Variants in PLEC observed in about 807,000 individuals in gnomAD.
The protein encoded by PLEC is hemidesmosomal protein 1.
PLEC carries 216 observed loss-of-function variants against 392.8 expected under a neutral mutation model. The observed-to-expected ratio is 0.55, with a 90% CI of 0.49 to 0.62. PLEC has a LOEUF of 0.62. Among genes scored for constraint, PLEC ranks in the 20% least tolerant of loss-of-function variants. The probability of loss-of-function intolerance (pLI) is 0.00; values close to 1 mark genes in which losing one functional copy is unlikely to be tolerated. For synonymous variants in PLEC, 3,621 were observed against 2,980.6 expected (o/e 1.21, Z -7.00); for missense variants, 6,863 against 6,563.4 (o/e 1.05, Z -1.58).
chr8:143,944,100 C>T (rs935106310), upstream of PLEC: 31 of 648,880 alleles, frequency 4.8e-5, no homozygotes, highest in South Asian at 1.6e-4. Flanking sequence ...GTCCGGCCCT[C>T]GGCGCCTCCC....
Position 143,918,013 on chromosome 8 carries a change from A to G in PLEC, c.11808T>C (p.Ala3936=). ...CCTTGGTGGCGTCCACGAAGACACCAGCGATGCAGCTGGTGCCTTCCAGGA... is the reference window on the plus strand; with the variant it reads ...CCTTGGTGGCGTCCACGAAGACACCGGCGATGCAGCTGGTGCCTTCCAGGA... ...QKFLEGTSCI[A]GVFVDATKER... The change falls in exon 32 of 32, where the codon GCT becomes GCC. Residue 3936 remains alanine (A), a synonymous_variant. Transcript: ENST00000345136. The G allele has an allele frequency of 6.2e-7, 1 of 1,611,636 alleles. No individual in the cohort carries two copies. The highest frequency in any genetic ancestry group is 8.5e-7 in the Non-Finnish European group (1 of 1,179,708).
chr8:143,972,248 G>T (rs1833465500), intron 1 of PLEC, among the ~76,000 whole-genome samples: 1 of 152,330 alleles, frequency 6.6e-6, no homozygotes, highest in South Asian at 2.1e-4. Flanking sequence ...CTCCCTCTAA[G>T]GCAGGGCCGG....
chr8:143,958,267 G>C (rs1587390903), upstream of PLEC, among the ~76,000 whole-genome samples: 1 of 152,104 alleles, frequency 6.6e-6, no homozygotes, highest in South Asian at 2.1e-4. The surrounding 1 kb of genome is among the most constrained non-coding windows in gnomAD (Gnocchi z 4.9). Context: ...TTCTGGGGTG[G>C]AGGGCCACCA....
Position 143,923,522 on chromosome 8 carries a change from T to C in PLEC, c.6407A>G (p.Glu2136Gly). ...TTGCTCGGCCTCCTTGCGCAGCTTC[T>C]CTGCAGCCGCCTGTGCCTGAGCCCG... ...QARAQAQAAA[E>G]KLRKEAEQEA... Residue 2136 changes from glutamate to glycine, a missense_variant, in exon 31 of 32, where the codon GAG (glutamate) becomes GGG (glycine). Transcript: ENST00000345136. The C allele has an allele frequency of 3.8e-6, 6 of 1,595,240 alleles. No homozygotes were observed. The highest frequency in any genetic ancestry group is 5.1e-6 in the Non-Finnish European group (6 of 1,174,468).
At position 143,917,493 on chromosome 8, in the gene PLEC, T is replaced by C. The variant is rs782757230; in HGVS notation, c.12328A>G (p.Thr4110Ala). 8 of 1,613,718 alleles carry C rather than the reference T, an allele frequency of 5.0e-6. No homozygotes were observed. The East Asian group carries it at 8.9e-5, about 18-fold the overall frequency. ...AGACACAGGCCCGTCTGGGGGTCAGTGATACAACGCTCCATCAGCTGCAGG... is the reference window on the plus strand; with the variant it reads ...AGACACAGGCCCGTCTGGGGGTCAGCGATACAACGCTCCATCAGCTGCAGG... ...TYLQLMERCITDPQTGLCLLP... is the reference protein window; with the variant it reads ...TYLQLMERCIADPQTGLCLLP... The change falls in exon 32 of 32, where the codon ACT becomes GCT. Residue 4110 changes from threonine to alanine, a missense_variant. Coordinates refer to ENST00000345136, the MANE Select transcript of PLEC (RefSeq NM_201384.3).
intron 17 of PLEC, 22 bp downstream of exon 17, chr8:143,932,108 G>A (rs987307552): frequency 1.6e-5 from 25 of 1,528,508 alleles, no homozygotes; most frequent in East Asian, 2.3e-5. Flanking sequence ...CCGCAGCCCC[G>A]CCCCTACCCA....
Position 143,925,524 on chromosome 8 carries a change from C to A in PLEC, c.4405G>T (p.Gly1469Cys). 6.3e-7 allele frequency: 1 copy of A among 1,595,530 alleles called. No homozygotes were observed. Among genetic ancestry groups the A allele is most frequent in the African/African-American group, 1.3e-5 (1 of 75,000 alleles). Reference sequence around the variant, plus strand: ...GCCTGCAGCTCCCCCTCAGCCCCGCCACGCTGGCGCTCGGTGGCCTCCAAC... The same window carrying A: ...GCCTGCAGCTCCCCCTCAGCCCCGCAACGCTGGCGCTCGGTGGCCTCCAAC... ...LQLEATERQR[G>C]GAEGELQALR... Residue 1469 changes from glycine (G) to cysteine (C), a missense_variant, in exon 31 of 32, where the codon GGC becomes TGC. Gly to Cys is a radical substitution (Grantham distance 159). Transcript: ENST00000345136.
chr8:143,966,250 G>C (rs1833084552), intron 1 of PLEC, among the ~76,000 whole-genome samples: 1 of 152,128 alleles, frequency 6.6e-6, no homozygotes, highest in African/African-American at 2.4e-5. Flanking sequence ...CTGCTTCCCG[G>C]CTGCCTCTTC....
rs1554682090 is a variant in PLEC at position 143,920,520 on chromosome 8, C to T, written c.9301G>A (p.Ala3101Thr). ...TAGGGGTCCCTGTACCCTGTCACAG[C>T]CTTCTCGGCTGATAGCAGCTTCTCA... ...FHEKLLSAEK[A>T]VTGYRDPYTG... The change falls in exon 32 of 32, where the codon GCT becomes ACT. Residue 3101 changes from alanine to threonine, a missense_variant. By Grantham distance (58) the Ala-to-Thr change is moderately conservative. Coordinates refer to ENST00000345136, the MANE Select transcript of PLEC (RefSeq NM_201384.3). 9.9e-6 allele frequency: 16 copies of T among 1,611,068 alleles called. No homozygotes were observed. The highest frequency in any genetic ancestry group is 2.7e-5 in the African/African-American group (2 of 74,920).
Position 143,929,789 on chromosome 8 carries a change from T to G in PLEC, c.2780A>C (p.His927Pro). The change falls in exon 23 of 32, where the codon CAC becomes CCC. Residue 927 changes from histidine to proline, a missense_variant. Transcript: ENST00000345136. ...LKPEEQRQAL[H>P]SLELHYQAFL... ...GGCCTGGTAGTGCAGCTCCAGGCTGTGCAGGGCTTGGCGCTGCTCCTCTGG... is the reference window on the plus strand; with the variant it reads ...GGCCTGGTAGTGCAGCTCCAGGCTGGGCAGGGCTTGGCGCTGCTCCTCTGG... 6.3e-7 allele frequency: 1 copy of G among 1,599,954 alleles called. No homozygotes were observed. The highest frequency in any genetic ancestry group is 8.5e-7 in the Non-Finnish European group (1 of 1,178,732).
Position 143,918,857 on chromosome 8 carries a change from G to A in PLEC, c.10964C>T (p.Ala3655Val), listed in dbSNP as rs931047837. The change falls in exon 32 of 32, where the codon GCT becomes GTT. Residue 3655 changes from alanine (A) to valine (V), a missense_variant. Transcript: ENST00000345136. ...RRLTAEDLFE[A>V]RIISLETYNL... Reference sequence around the variant, plus strand: ...GTAGGTCTCGAGAGAGATGATCCGAGCCTCGAACAGGTCCTCAGCCGTGAG... The same window carrying A: ...GTAGGTCTCGAGAGAGATGATCCGAACCTCGAACAGGTCCTCAGCCGTGAG... 3 of 1,612,804 alleles carry A rather than the reference G, an allele frequency of 1.9e-6. No individual in the cohort carries two copies. The African/African-American group carries it at 4.0e-5, about 22-fold the overall frequency.
At chr8:143,962,369 A>AT (rs1832909423) in intron 1 of PLEC, among the ~76,000 whole-genome samples, 1 of 152,226 alleles carries the variant, frequency 6.6e-6, no homozygotes, top group Admixed American at 6.5e-5. Context: ...CCGACACCGG[A>AT]TTTTTAACTT....
upstream of PLEC, chr8:143,943,979 G>A (rs370410679): frequency 3.3e-5 from 51 of 1,536,808 alleles, no homozygotes; most frequent in East Asian, 2.2e-4. Context: ...CGTGCAGGGC[G>A]AGCGAGGGGG....
At chr8:143,940,816 C>T (rs1004498674), upstream of PLEC, among the ~76,000 whole-genome samples, 1 of 152,194 alleles carries the variant, frequency 6.6e-6, no homozygotes, top group Admixed American at 6.5e-5. Context: ...GAAGCCCCCA[C>T]TCCACGCCAA....
chr8:143,957,622 G>A (rs1276471551), upstream of PLEC, among the ~76,000 whole-genome samples: 1 of 152,188 alleles, frequency 6.6e-6, no homozygotes, highest in African/African-American at 2.4e-5. Flanking sequence ...TCTGGGCACA[G>A]AGCAACCTCC....
In PLEC at chr8:143,920,133, C is replaced by T; in HGVS notation, c.9688G>A (p.Ala3230Thr). The T allele has an allele frequency of 6.2e-7, 1 of 1,612,900 alleles. No homozygotes were observed. Among genetic ancestry groups the T allele is most frequent in the African/African-American group, 1.3e-5 (1 of 75,054 alleles). Residue 3230 changes from alanine to threonine, a missense_variant, in exon 32 of 32, where the codon GCC becomes ACC. Ala to Thr is a moderately conservative substitution (Grantham distance 58). Transcript: ENST00000345136. The stretch of plus-strand genomic sequence containing the variant: ...GGGGTCTTTTCAAAGGTCTCACGGG[C>T]CTGCAGCTCTGAGTAGAGCTCCTCC... Reference protein sequence around the residue: ...RQEELYSELQARETFEKTPVE... With the variant: ...RQEELYSELQTRETFEKTPVE...
chr8:143,926,007 GC>G, intron 30 of PLEC, 123 bp from the exon 31 acceptor site: 1 of 1,132,438 alleles, frequency 8.8e-7, no homozygotes, highest in Non-Finnish European at 1.3e-6. Flanking sequence ...GAAGACAGAG[GC>G]CCCAGCCCGG....
intron 1 of PLEC, among the ~76,000 whole-genome samples, chr8:143,970,987 G>A (rs1833398019): frequency 6.6e-6 from 1 of 152,220 alleles, no homozygotes; most frequent in Non-Finnish European, 1.5e-5. Flanking sequence ...AATCTGCCCT[G>A]GATGGGGGAC....
At chr8:143,950,535 G>T in exon 1 of PLEC, 1 of 1,607,520 alleles carries the variant, frequency 6.2e-7, no homozygotes, top group East Asian at 2.2e-5. Flanking sequence ...ACCAGGCCCC[G>T]TGCCCGCAGG....
Sources: allele counts gnomAD v4.1 joint callset (sites outside exome capture counted in the v4.1 genomes callset), GRCh38; gene constraint gnomAD v4.1.1; non-coding constraint Gnocchi (gnomAD v3.1); transcripts MANE v1.5; gene names NCBI Gene and HGNC (gene_info 2026-07-23, HGNC 2026-07-21).